Variants in PCNX2 observed in about 807,000 individuals in gnomAD.
PCNX2 encodes the protein pecanex-like protein 2.
PCNX2 carries 168 observed loss-of-function variants against 223.8 expected under a neutral mutation model. The ratio of observed to expected loss-of-function variants is 0.75; its 90% CI spans 0.66 to 0.85. The LOEUF is 0.85. Among genes scored for constraint, PCNX2 ranks in the 40% least tolerant of loss-of-function variants. The pLI, the probability that PCNX2 is intolerant of heterozygous loss-of-function variation, is 0.00. For missense variants in PCNX2, 2,507 were observed against 2,675.5 expected (o/e 0.94, Z 1.39); for synonymous variants, 1,006 against 1,052.6 (o/e 0.96, Z 0.86).
At chr1:233,300,307 C>A (rs142785748), upstream of PCNX2, among the ~76,000 whole-genome samples, 4 of 152,214 alleles carry the variant, frequency 2.6e-5, no homozygotes, top group Admixed American at 2.6e-4. Context: ...CAGTGTTAGC[C>A]ATGATTGAAT....
intron 32 of PCNX2, among the ~76,000 whole-genome samples, chr1:232,987,486 T>G (rs1669534855): frequency 6.6e-6 from 1 of 152,146 alleles, no homozygotes; most frequent in African/African-American, 2.4e-5. Context: ...GACATCATGG[T>G]TCTATGAACG....
At chr1:233,096,990 T>G (rs1674211911) in intron 21 of PCNX2, among the ~76,000 whole-genome samples, 1 of 152,202 alleles carries the variant, frequency 6.6e-6, no homozygotes, top group Non-Finnish European at 1.5e-5. Flanking sequence ...AATCTCTGCC[T>G]CACTTTTCTG....
intron 13 of PCNX2, among the ~76,000 whole-genome samples, chr1:233,208,252 C>T (rs987060886): frequency 6.6e-6 from 1 of 152,208 alleles, no homozygotes; most frequent in African/African-American, 2.4e-5. Flanking sequence ...AGCCACCGTG[C>T]CCAGCCCGGA....
intron 21 of PCNX2, among the ~76,000 whole-genome samples, chr1:233,125,319 C>T (rs1433911713): frequency 6.6e-6 from 1 of 152,202 alleles, no homozygotes; most frequent in Non-Finnish European, 1.5e-5. Context: ...ATCTTCCTTC[C>T]TCTACCTGCT....
rs150335678 is a variant in PCNX2 at position 233,085,408 on chromosome 1, G to C, written c.4076+4653C>G. ...GCATACAAAAATGAAAACTAAACAA[G>C]TTCAGAATTGAAGGTATATATAGAC... On this transcript the variant is annotated intron_variant, in intron 23 of 33. Coordinates refer to ENST00000258229, the MANE Select transcript of PCNX2 (RefSeq NM_014801.4). 2.0e-5 allele frequency among the ~76,000 whole-genome samples: 3 copies of C among 151,648 alleles called. No individual in the cohort carries two copies. In the East Asian group the frequency reaches 5.8e-4, roughly 29 times the overall value.
intron 12 of PCNX2, among the ~76,000 whole-genome samples, chr1:233,216,238 C>T (rs4649447): frequency 0.13 from 19,954 of 152,146 alleles, 1,422 homozygotes; most frequent in East Asian, 0.22. Flanking sequence ...CCATAGCACC[C>T]ACCCCGTAGG....
intron 13 of PCNX2, among the ~76,000 whole-genome samples, chr1:233,208,245 C>T (rs1367233435): frequency 1.3e-5 from 2 of 152,226 alleles, no homozygotes; most frequent in Non-Finnish European, 2.9e-5. Context: ...AGGTGTGAGC[C>T]ACCGTGCCCA....
intron 23 of PCNX2, among the ~76,000 whole-genome samples, chr1:233,076,890 A>T (rs1267374493): frequency 2.0e-5 from 3 of 152,196 alleles, no homozygotes; most frequent in Non-Finnish European, 4.4e-5. Flanking sequence ...GTGCCCAAGA[A>T]CAAGTCTGCA....
At position 232,986,463 on chromosome 1, in the gene PCNX2, C is replaced by A. The variant is rs1292777345; in HGVS notation, c.5869G>T (p.Gly1957Cys). The A allele has an allele frequency of 1.9e-6, 3 of 1,603,960 alleles. No individual in the cohort carries two copies. Among genetic ancestry groups the A allele is most frequent in the East Asian group, 2.2e-5 (1 of 44,638 alleles). The change falls in exon 33 of 34, where the codon GGC (glycine) becomes TGC (cysteine). Residue 1957 changes from glycine (G) to cysteine (C), a missense_variant. Physicochemically the swap from Gly to Cys is radical, Grantham distance 159. Around this residue, in one of 3 missense-constraint regions of PCNX2, gnomAD observed 1,372 missense variants for 1,509.4 expected, o/e 0.91. Transcript: ENST00000258229. ...SQRPPMLSSS[G>C]PILESRQTFL... ...GTTTGGCGGCTCTCTAAGATGGGGC[C>A]AGATGAGCTCAGCATGGGCGGCCTT...
intron 1 of PCNX2, among the ~76,000 whole-genome samples, chr1:233,280,988 TC>T (rs1661167430): frequency 6.6e-6 from 1 of 150,848 alleles, no homozygotes; most frequent in Non-Finnish European, 1.5e-5. Flanking sequence ...ATCATCATCA[TC>T]TATTCATCAT....
intron 25 of PCNX2, among the ~76,000 whole-genome samples, chr1:233,036,809 GAGCCCCT>G (rs1558180071): frequency 6.6e-6 from 1 of 152,134 alleles, no homozygotes; most frequent in Non-Finnish European, 1.5e-5. Context: ...TCTAAGAAAT[GAGCCCCT>G]AGAGAGAGGT....
chr1:232,993,082 A>T (rs1669757570), intron 32 of PCNX2, among the ~76,000 whole-genome samples: 1 of 152,224 alleles, frequency 6.6e-6, no homozygotes, highest in Non-Finnish European at 1.5e-5. Flanking sequence ...AGATACCTGA[A>T]AATGTGGAAG....
intron 25 of PCNX2, among the ~76,000 whole-genome samples, chr1:233,044,808 A>G: frequency 6.6e-6 from 1 of 151,932 alleles, no homozygotes; most frequent in East Asian, 1.9e-4. Flanking sequence ...AGCTGTGATT[A>G]CAGGTGCATG....
At chr1:233,278,413 TGGA>T (rs1030574879) in intron 1 of PCNX2, among the ~76,000 whole-genome samples, 4 of 152,126 alleles carry the variant, frequency 2.6e-5, no homozygotes, top group African/African-American at 9.7e-5. Context: ...TGTAAAATGC[TGGA>T]GGAGAGAGAG....
intron 13 of PCNX2, among the ~76,000 whole-genome samples, chr1:233,204,223 C>A (rs888118218): frequency 6.6e-6 from 1 of 152,054 alleles, no homozygotes; most frequent in African/African-American, 2.4e-5. Context: ...AGAGGGGACA[C>A]CATGTAAATA....
In PCNX2 at chr1:233,295,274, C is replaced by T; in HGVS notation, c.153+52G>A. ...GATGGCACGTCTGTGGTTCCTTTCTCCTTCTTCCCTCCATACCCACAGCTC... is the reference window on the plus strand; with the variant it reads ...GATGGCACGTCTGTGGTTCCTTTCTTCTTCTTCCCTCCATACCCACAGCTC... On this transcript the variant is annotated intron_variant, in intron 1 of 33. Coordinates refer to ENST00000258229, the MANE Select transcript of PCNX2 (RefSeq NM_014801.4). This position sits in a 1 kb window ranked among gnomAD's most constrained non-coding sequence, Gnocchi z 4.1. 6.4e-7 allele frequency: 1 copy of T among 1,556,578 alleles called. No homozygotes were observed. Among genetic ancestry groups the T allele is most frequent in the Non-Finnish European group, 8.7e-7 (1 of 1,149,646 alleles).
intron 19 of PCNX2, among the ~76,000 whole-genome samples, chr1:233,152,426 A>G (rs1242805280): frequency 6.6e-6 from 1 of 152,120 alleles, no homozygotes; most frequent in African/African-American, 2.4e-5. Context: ...TTATGTGGGG[A>G]AAAAGGCGAG....
At chr1:233,167,004 A>T (rs1037430542) in intron 17 of PCNX2, among the ~76,000 whole-genome samples, 3 of 152,124 alleles carry the variant, frequency 2.0e-5, no homozygotes, top group African/African-American at 4.8e-5. Flanking sequence ...TACTAAAAAC[A>T]GAACTACCAC....
the PCNX2 span, among the ~76,000 whole-genome samples, chr1:233,305,914 A>T: frequency 6.6e-6 from 1 of 152,264 alleles, no homozygotes; most frequent in Non-Finnish European, 1.5e-5. Flanking sequence ...TCACCTTATC[A>T]GCAATTACAC....
Sources: allele counts gnomAD v4.1 joint callset (sites outside exome capture counted in the v4.1 genomes callset), GRCh38; gene constraint gnomAD v4.1.1; regional missense constraint gnomAD v4.1.1; non-coding constraint Gnocchi (gnomAD v3.1); transcripts MANE v1.5; gene names NCBI Gene and HGNC (gene_info 2026-07-23, HGNC 2026-07-21).